The following CHRM1 variants were observed in gnomAD, a reference collection of about 807,000 sequenced individuals.
CHRM1 encodes muscarinic acetylcholine receptor M1.
A neutral mutation model predicts 31.6 loss-of-function variants in CHRM1; 5 were observed. The ratio of observed to expected loss-of-function variants is 0.16; its 90% CI spans 0.08 to 0.33. The LOEUF is 0.33. CHRM1 is among the 10% of genes least tolerant of loss of function. The pLI, the probability that CHRM1 is intolerant of heterozygous loss-of-function variation, is 1.00. For synonymous variants in CHRM1, 227 were observed against 249.7 expected, an observed-to-expected ratio of 0.91 and a Z score of 0.86; for missense variants, 338 against 610.3, an observed-to-expected ratio of 0.55 and a Z score of 4.70.
At chr11:62,912,319 G>GA (rs553391231) in intron 1 of CHRM1, among the ~76,000 whole-genome samples, 98 of 141,590 alleles carry the variant, frequency 6.9e-4, no homozygotes, top group African/African-American at 2.5e-3. Flanking sequence ...AGTGAGTCAA[G>GA]ACTGTGCCAC....
At chr11:62,913,921 T>C (rs895295112) in intron 1 of CHRM1, among the ~76,000 whole-genome samples, 10 of 151,450 alleles carry the variant, frequency 6.6e-5, no homozygotes, top group Non-Finnish European at 1.2e-4. Context: ...CTCGGCTCAC[T>C]GCAGCTATTG....
chr11:62,916,116 T>C (rs1316998655), intron 1 of CHRM1, among the ~76,000 whole-genome samples: 4 of 152,044 alleles, frequency 2.6e-5, no homozygotes. Context: ...GGCCCTGTTG[T>C]TATTCTCCAC....
intron 1 of CHRM1, among the ~76,000 whole-genome samples, chr11:62,918,876 C>T (rs2085915641): frequency 6.6e-6 from 1 of 152,052 alleles, no homozygotes; most frequent in South Asian, 2.1e-4. Context: ...TCTGAACGTA[C>T]CGCTGGCCAA....
At chr11:62,918,623 GA>G (rs2085913641) in intron 1 of CHRM1, among the ~76,000 whole-genome samples, 1 of 152,208 alleles carries the variant, frequency 6.6e-6, no homozygotes, top group South Asian at 2.1e-4. Flanking sequence ...GAGGTGCCAG[GA>G]CAGACATGGA....
chr11:62,914,972 C>T (rs1202980102), intron 1 of CHRM1, among the ~76,000 whole-genome samples: 1 of 152,110 alleles, frequency 6.6e-6, no homozygotes, highest in Non-Finnish European at 1.5e-5. Context: ...CTCATGAGTT[C>T]AAGACCAGCC....
chr11:62,912,260 T>TGGGAGACTGAGGC (rs1479997464), intron 1 of CHRM1, among the ~76,000 whole-genome samples: 40 of 149,584 alleles, frequency 2.7e-4, no homozygotes, highest in African/African-American at 9.8e-4. Context: ...CCCAGCTACT[T>TGGGAGACTGAGGC]GGGAGACTGA....
rs1212525037 is a variant in CHRM1, at chr11:62,919,261, T to A, written c.-79+1957A>T. On this transcript the variant is annotated intron_variant, in intron 1 of 1. Coordinates refer to ENST00000306960, the MANE Select transcript of CHRM1 (RefSeq NM_000738.3). Reference sequence around the variant, plus strand: ...ATGTCTGGCTTTGAGAATGAGGGAGTAAACAGAATTTATCACATTTTTAAG... The same window carrying A: ...ATGTCTGGCTTTGAGAATGAGGGAGAAAACAGAATTTATCACATTTTTAAG... Among the ~76,000 whole-genome samples the A allele has an allele frequency of 2.0e-5, 3 of 151,972 alleles. No homozygotes were observed. In the East Asian group the frequency reaches 5.8e-4, roughly 29 times the overall value.
chr11:62,918,491 C>T (rs1565267056), intron 1 of CHRM1: 1 of 152,230 alleles, frequency 6.6e-6, no homozygotes, highest in Non-Finnish European at 1.5e-5. Context: ...CTGCCAGGTC[C>T]CTGCTTCCCT....
chr11:62,911,376 G>C (rs1005837305), intron 1 of CHRM1, among the ~76,000 whole-genome samples, 198 bp from the exon 2 acceptor site: 2 of 152,178 alleles, frequency 1.3e-5, no homozygotes, highest in African/African-American at 4.8e-5. Context: ...GCGTGGAGTG[G>C]CTTTGGGATC....
intron 1 of CHRM1, among the ~76,000 whole-genome samples, chr11:62,920,465 A>T (rs1263294513): frequency 2.0e-5 from 3 of 152,034 alleles, no homozygotes; most frequent in Non-Finnish European, 4.4e-5. Context: ...GTGGGTGCCC[A>T]TTGGTATCCA....
intron 1 of CHRM1, among the ~76,000 whole-genome samples, chr11:62,920,446 G>T (rs898711565): frequency 2.0e-5 from 3 of 152,168 alleles, no homozygotes; most frequent in Admixed American, 2.0e-4. Context: ...ACTGGGGTGA[G>T]TACCTGGCGT....
intron 1 of CHRM1, among the ~76,000 whole-genome samples, chr11:62,911,694 C>T (rs2085871795): frequency 6.6e-6 from 1 of 152,164 alleles, no homozygotes; most frequent in African/African-American, 2.4e-5. Context: ...GGAACTGTGG[C>T]TCTGAGCAGC....
rs562359753 is a variant in CHRM1 at position 62,913,913 on chromosome 11, C to T, written c.-78-2735G>A. On this transcript the variant is annotated intron_variant, in intron 1 of 1. Transcript: ENST00000306960. Reference sequence around the variant, plus strand: ...AGGCTGGAGTGCAGTTGCGCGATCTCGGCTCACTGCAGCTATTGTCTCCAT... The same window carrying T: ...AGGCTGGAGTGCAGTTGCGCGATCTTGGCTCACTGCAGCTATTGTCTCCAT... Among the ~76,000 whole-genome samples, 38 of 150,882 alleles carry T rather than the reference C, an allele frequency of 2.5e-4. 1 individual carries two copies. Among genetic ancestry groups the T allele is most frequent in the Middle Eastern group, 3.5e-3 (1 of 288 alleles).
intron 1 of CHRM1, among the ~76,000 whole-genome samples, chr11:62,919,758 C>T (rs1240705629): frequency 6.6e-6 from 1 of 152,226 alleles, no homozygotes; most frequent in Non-Finnish European, 1.5e-5. Context: ...CATCTTCCTG[C>T]TCATGGAGGC....
Position 62,910,818 on chromosome 11 carries a change from T to G in CHRM1, c.283A>C (p.Thr95Pro). 1 of 1,614,152 alleles carries G rather than the reference T, an allele frequency of 6.2e-7. No individual in the cohort carries two copies. The highest frequency in any genetic ancestry group is 8.5e-7 in the Non-Finnish European group (1 of 1,180,030). The change falls in exon 2 of 2, where the codon ACG becomes CCG. Residue 95 changes from threonine to proline, a missense_variant. Thr to Pro is a conservative substitution (Grantham distance 38, BLOSUM62 -1). Coordinates refer to ENST00000306960, the MANE Select transcript of CHRM1 (RefSeq NM_000738.3). The surrounding 1 kb of genome is among the most constrained non-coding windows in gnomAD (Gnocchi z 8.7). ...GCCAGCCAGAGGTCACAAGCCAGCGTGCCCAGAGCCCAGTGGCCCATGAGC... is the reference window on the plus strand; with the variant it reads ...GCCAGCCAGAGGTCACAAGCCAGCGGGCCCAGAGCCCAGTGGCCCATGAGC... ...YLLMGHWALG[T>P]LACDLWLALD... is the part of the protein sequence containing the mutation.
intron 1 of CHRM1, among the ~76,000 whole-genome samples, chr11:62,915,124 G>A (rs944265826): frequency 6.5e-5 from 9 of 137,866 alleles, no homozygotes; most frequent in East Asian, 6.5e-4. Context: ...GCAGTGAGCC[G>A]CGATCACGCC....
At chr11:62,917,537 C>A (rs1410522893) in intron 1 of CHRM1, among the ~76,000 whole-genome samples, 2 of 152,124 alleles carry the variant, frequency 1.3e-5, no homozygotes, top group Admixed American at 6.5e-5. Context: ...ACCTGGTGGC[C>A]CTTCTGTGGA....
chr11:62,910,162 G>C lies in CHRM1; in HGVS notation c.939C>G (p.Ala313=). Residue 313 remains alanine (A), a synonymous_variant, in exon 2 of 2, where the codon GCC becomes GCG. Coordinates refer to ENST00000306960, the MANE Select transcript of CHRM1 (RefSeq NM_000738.3). This position sits in a 1 kb window ranked among gnomAD's most constrained non-coding sequence, Gnocchi z 8.7. ...AGCTCCGTGGGGGCTGCTTGGTGGG[G>C]GCCTGTGCCTCGGGGTCCACCATTG... ...KMPMVDPEAQ[A]PTKQPPRSSP... 6.2e-7 allele frequency: 1 copy of C among 1,604,742 alleles called. No homozygotes were observed. The highest frequency in any genetic ancestry group is 8.5e-7 in the Non-Finnish European group (1 of 1,175,632).
At chr11:62,915,493 G>A (rs1228281984) in intron 1 of CHRM1, among the ~76,000 whole-genome samples, 3 of 152,168 alleles carry the variant, frequency 2.0e-5, no homozygotes, top group African/African-American at 7.2e-5. Context: ...CAGCCTGTGG[G>A]CTGGAATTTG....
Sources: gnomAD v4.1 joint callset for allele counts (sites outside exome capture counted in the v4.1 genomes callset) on GRCh38, gnomAD v4.1.1 for gene constraint, Gnocchi (gnomAD v3.1) non-coding constraint, MANE v1.5 for transcripts, NCBI Gene and HGNC (gene_info 2026-07-23, HGNC 2026-07-21) for gene names.